DST: variants seen among roughly 807,000 people sequenced by gnomAD.
DST encodes dystonin.
In DST, 253 loss-of-function variants were observed where a neutral mutation model predicts 875.2. The ratio of observed to expected loss-of-function variants is 0.29; its 90% CI spans 0.26 to 0.32. The LOEUF (loss-of-function observed/expected upper bound fraction) is 0.32, where lower values mean the gene tolerates loss of function less well. Among genes scored for constraint, DST ranks in the 10% least tolerant of loss-of-function variants. DST has a pLI of 1.00. For missense variants in DST, 8,287 were observed against 9,111.6 expected (o/e 0.91, Z 3.68); for synonymous variants, 3,124 against 3,197.1 (o/e 0.98, Z 0.77).
chr6:56,806,796 T>A (rs1047657442), intron 4 of DST, among the ~76,000 whole-genome samples: 3 of 152,150 alleles, frequency 2.0e-5, no homozygotes, highest in African/African-American at 7.2e-5. Context: ...ATCAATTCAC[T>A]TAACCCTTAG....
At chr6:56,468,246 T>G (rs1320683032) in intron 98 of DST, among the ~76,000 whole-genome samples, 1 of 152,186 alleles carries the variant, frequency 6.6e-6, no homozygotes, top group African/African-American at 2.4e-5. Context: ...CTGATCATGA[T>G]GTAGTGCCAC....
chr6:56,941,455 T>C (rs1290854907), intron 2 of DST, among the ~76,000 whole-genome samples: 1 of 152,138 alleles, frequency 6.6e-6, no homozygotes, highest in Non-Finnish European at 1.5e-5. Context: ...CGTGAATGAG[T>C]CATGTAAGTA....
At chr6:56,534,118 T>C (rs192581282) in intron 63 of DST, among the ~76,000 whole-genome samples, 1 of 152,272 alleles carries the variant, frequency 6.6e-6, no homozygotes, top group Admixed American at 6.5e-5. Context: ...AAATATACAG[T>C]ACATTATTAG....
rs188156383 is a variant in DST at position 56,555,534 on chromosome 6, T to G, written c.14947A>C (p.Met4983Leu). 1.2e-4 allele frequency: 197 copies of G among 1,613,918 alleles called. No homozygotes were observed. The highest frequency in any genetic ancestry group is 1.6e-4 in the Non-Finnish European group (188 of 1,179,906). Residue 4983 changes from methionine (M) to leucine (L), a missense_variant, in exon 60 of 104, where the codon ATG becomes CTG. Around this residue, in one of 10 missense-constraint regions of DST, gnomAD observed 1,513 missense variants for 1,677.8 expected, o/e 0.90. Coordinates refer to ENST00000680361, the MANE Select transcript of DST (RefSeq NM_001374736.1). Reference protein sequence around the residue: ...SLAVSTHPDAMNQQLETAQKM... With the variant: ...SLAVSTHPDALNQQLETAQKM... ...TGGGCTGTTTCCAACTGTTGGTTCA[T>G]AGCATCAGGGTGCGTGCTCACAGCC... is the stretch of plus-strand genomic sequence containing the variant.
At chr6:56,673,338 A>T (rs546880146) in intron 9 of DST, among the ~76,000 whole-genome samples, 1 of 152,298 alleles carries the variant, frequency 6.6e-6, no homozygotes, top group East Asian at 1.9e-4. Context: ...TAAAAATTAT[A>T]AAATCAACTG....
At chr6:56,818,435 T>C (rs925877605) in intron 4 of DST, among the ~76,000 whole-genome samples, 1 of 152,066 alleles carries the variant, frequency 6.6e-6, no homozygotes, top group African/African-American at 2.4e-5. Flanking sequence ...AATACATTGA[T>C]CTGTGATGGC....
intron 5 of DST, among the ~76,000 whole-genome samples, chr6:56,711,656 T>C (rs2099363646): frequency 6.6e-6 from 1 of 152,150 alleles, no homozygotes; most frequent in Non-Finnish European, 1.5e-5. Flanking sequence ...CTTGGACAGA[T>C]TATTAAAGAT....
At chr6:56,946,024 A>C (rs1479431303) in intron 2 of DST, among the ~76,000 whole-genome samples, 18 of 152,180 alleles carry the variant, frequency 1.2e-4, no homozygotes. Flanking sequence ...TTAATTATAC[A>C]CTTAAATGGG....
At chr6:56,933,458 T>C (rs1239989058) in intron 2 of DST, among the ~76,000 whole-genome samples, 1 of 152,186 alleles carries the variant, frequency 6.6e-6, no homozygotes, top group Non-Finnish European at 1.5e-5. Context: ...ATAAATGCCC[T>C]CCTTTCTTCC....
chr6:56,464,453 G>T (rs900730668), intron 100 of DST: 18 of 542,998 alleles, frequency 3.3e-5, no homozygotes, highest in South Asian at 1.3e-4. Context: ...CAAGAACCCG[G>T]TGAGCAACGT....
At chr6:56,597,072 A>T (rs1312993044) in intron 47 of DST, among the ~76,000 whole-genome samples, 1 of 152,080 alleles carries the variant, frequency 6.6e-6, no homozygotes, top group Non-Finnish European at 1.5e-5. Context: ...AGACCTCATC[A>T]CTACAAAAAA....
intron 97 of DST, 29 bp downstream of exon 97, chr6:56,469,854 G>A: frequency 6.4e-7 from 1 of 1,568,112 alleles, no homozygotes; most frequent in South Asian, 1.1e-5. Flanking sequence ...GTCCTTTAAA[G>A]GAACTACAAC....
chr6:56,554,055 A>G (rs2097362448), intron 60 of DST, among the ~76,000 whole-genome samples: 1 of 129,388 alleles, frequency 7.7e-6, no homozygotes, highest in South Asian at 2.6e-4. Flanking sequence ...ATTAAATATG[A>G]CTTTTTCGCG....
intron 4 of DST, among the ~76,000 whole-genome samples, chr6:56,786,849 TAGG>T (rs1284589997): frequency 6.6e-6 from 1 of 152,058 alleles, no homozygotes; most frequent in Non-Finnish European, 1.5e-5. Context: ...AAGAAGAACC[TAGG>T]AAGTGCCAAG....
intron 3 of DST, among the ~76,000 whole-genome samples, chr6:56,891,955 C>G (rs1239495974): frequency 6.6e-6 from 1 of 152,196 alleles, no homozygotes; most frequent in Non-Finnish European, 1.5e-5. Flanking sequence ...CCTCAGATTC[C>G]CCACCAGCAG....
At chr6:56,610,297 T>A (rs1022137857) in intron 39 of DST, 130 bp downstream of exon 39, 6 of 676,748 alleles carry the variant, frequency 8.9e-6, no homozygotes, top group South Asian at 2.5e-5. Flanking sequence ...AACATTTAAA[T>A]AAACTCAATC....
At chr6:56,601,334 A>G in intron 44 of DST, 109 bp downstream of exon 44, 1 of 679,040 alleles carries the variant, frequency 1.5e-6, no homozygotes, top group South Asian at 1.9e-5. Context: ...TATCTTATCC[A>G]TTAATGCCTT....
chr6:56,618,003 C>A (rs6459166), intron 36 of DST: 1 of 1,612,692 alleles, frequency 6.2e-7, no homozygotes, highest in Admixed American at 1.7e-5. Flanking sequence ...GGTGTCAAAA[C>A]CTTCACCAGT....
chr6:56,871,149 G>GATCTTC, intron 3 of DST: 1 of 663,478 alleles, frequency 1.5e-6, no homozygotes, highest in South Asian at 1.7e-5. Flanking sequence ...AATGTGTGGG[G>GATCTTC]CTCTTCCTCT....
Sources: allele counts gnomAD v4.1 joint callset (sites outside exome capture counted in the v4.1 genomes callset), GRCh38; gene constraint gnomAD v4.1.1; regional missense constraint gnomAD v4.1.1; transcripts MANE v1.5; gene names NCBI Gene and HGNC (gene_info 2026-07-23, HGNC 2026-07-21).